The following ROR1 variants were observed in gnomAD, a reference collection of about 807,000 sequenced individuals.
ROR1 encodes the protein ROR family WNT receptor 1.
Under a neutral mutation model 78.8 loss-of-function variants are expected in ROR1, and 19 were observed. That is an observed-to-expected ratio of 0.24 (90% CI 0.17 to 0.35). ROR1 has a LOEUF of 0.35. Ranked by LOEUF, ROR1 falls within the 10% of genes least tolerant of loss-of-function variation. ROR1 has a pLI of 1.00. For synonymous variants in ROR1, 386 were observed against 433.6 expected, an observed-to-expected ratio of 0.89 and a Z score of 1.36; for missense variants, 917 against 1,177.8, an observed-to-expected ratio of 0.78 and a Z score of 3.24.
intron 8 of ROR1, among the ~76,000 whole-genome samples, chr1:64,159,994 A>G (rs1287102000): frequency 6.6e-6 from 1 of 152,126 alleles, no homozygotes; most frequent in African/African-American, 2.4e-5. Flanking sequence ...CAGCACCACA[A>G]TCCCAGGCCT....
rs759772996 is a variant in ROR1 at position 64,177,903 on chromosome 1, T to C, written c.1862T>C (p.Ile621Thr). 3 of 1,614,084 alleles carry C rather than the reference T, an allele frequency of 1.9e-6. No homozygotes were observed. The highest frequency in any genetic ancestry group is 4.5e-5 in the East Asian group (2 of 44,902). The stretch of plus-strand genomic sequence containing the variant: ...CACAAGGACCTTGCAGCTCGCAATA[T>C]TTTAATCGGAGAGCAACTTCATGTA... Reference protein sequence around the residue: ...FVHKDLAARNILIGEQLHVKI... With the variant: ...FVHKDLAARNTLIGEQLHVKI... Residue 621 changes from isoleucine to threonine, a missense_variant, in exon 9 of 9, where the codon ATT (isoleucine) becomes ACT (threonine). Physicochemically the swap from Ile to Thr is moderately conservative, Grantham distance 89. Around this residue, in one of 3 missense-constraint regions of ROR1, gnomAD observed 835 missense variants for 1,069.8 expected, o/e 0.78. Transcript: ENST00000371079.
intron 1 of ROR1, among the ~76,000 whole-genome samples, chr1:63,859,046 C>T (rs1645164719): frequency 6.6e-6 from 1 of 151,994 alleles, no homozygotes; most frequent in Admixed American, 6.6e-5. Flanking sequence ...ACAAACTGCC[C>T]CTTCTGTTGT....
chr1:64,079,470 A>ATTTTTTTTTTTTTTTTTTTTTTGTTTTT (rs71056020), intron 4 of ROR1, among the ~76,000 whole-genome samples: 1 of 146,280 alleles, frequency 6.8e-6, no homozygotes, highest in Non-Finnish European at 1.5e-5. Context: ...CTTGATTGGG[A>ATTTTTTTTTTTTTTTTTTTTTTGTTTTT]TTTTTTTTTT....
At chr1:63,857,604 G>A (rs995080903) in intron 1 of ROR1, among the ~76,000 whole-genome samples, 2 of 152,200 alleles carry the variant, frequency 1.3e-5, no homozygotes, top group Non-Finnish European at 2.9e-5. Flanking sequence ...CATGGGGAGA[G>A]CACATAAAAG....
rs554109773 is a variant in ROR1, at chr1:64,037,843, A to G, written c.164-11848A>G. ...CAGATATGCATGGTACATGTCACCA[A>G]GGGTGGCATCTGGTTTGTGTGCCAC... On this transcript the variant is annotated intron_variant, in intron 2 of 8. Transcript: ENST00000371079. 3.0e-4 allele frequency among the ~76,000 whole-genome samples: 46 copies of G among 152,212 alleles called. 1 individual carries two copies. In the East Asian group the frequency reaches 8.9e-3, roughly 30 times the overall value.
Position 64,075,139 on chromosome 1 carries a change from T to G in ROR1, c.482+24423T>G, listed in dbSNP as rs565040190. ...ATCAAACAATAAGCTTATCAGACATTTACTGTCCAATGAGAGCTGAATACA... is the reference window on the plus strand; with the variant it reads ...ATCAAACAATAAGCTTATCAGACATGTACTGTCCAATGAGAGCTGAATACA... On this transcript the variant is annotated intron_variant, in intron 4 of 8. Coordinates refer to ENST00000371079, the MANE Select transcript of ROR1 (RefSeq NM_005012.4). Among the ~76,000 whole-genome samples the G allele has an allele frequency of 3.3e-5, 5 of 152,214 alleles. No homozygotes were observed. In the East Asian group the frequency reaches 7.7e-4, roughly 24 times the overall value.
At chr1:64,150,900 C>T (rs993500200) in intron 7 of ROR1, among the ~76,000 whole-genome samples, 52 of 152,286 alleles carry the variant, frequency 3.4e-4, no homozygotes, top group African/African-American at 1.2e-3. Flanking sequence ...AGTGTGTAAG[C>T]TGCTCTAGCA....
rs1475755069 is a variant in ROR1, at chr1:64,178,566, C to T, written c.2525C>T (p.Pro842Leu). The T allele has an allele frequency of 1.2e-6, 2 of 1,614,030 alleles. No homozygotes were observed. The highest frequency in any genetic ancestry group is 3.3e-5 in the Admixed American group (2 of 60,012). Residue 842 changes from proline (P) to leucine (L), a missense_variant, in exon 9 of 9, where the codon CCC becomes CTC. Around this residue, in one of 3 missense-constraint regions of ROR1, gnomAD observed 835 missense variants for 1,069.8 expected, o/e 0.78. Transcript: ENST00000371079. This position sits in a 1 kb window ranked among gnomAD's most constrained non-coding sequence, Gnocchi z 4.3. The part of the protein sequence containing the change: ...PAAHYQPTGP[P>L]RVIQHCPPPK... Reference sequence around the variant, plus strand: ...GCCCACTACCAGCCAACAGGTCCTCCCAGAGTGATTCAGCACTGCCCACCT... The same window carrying T: ...GCCCACTACCAGCCAACAGGTCCTCTCAGAGTGATTCAGCACTGCCCACCT...
chr1:64,015,709 G>C (rs184124346), intron 2 of ROR1, among the ~76,000 whole-genome samples: 45 of 152,252 alleles, frequency 3.0e-4, no homozygotes, highest in Admixed American at 2.1e-3. Context: ...GCAAGCTGAT[G>C]AACAGTCTTC....
chr1:64,169,451 A>G (rs1650178612), intron 8 of ROR1, among the ~76,000 whole-genome samples: 1 of 152,128 alleles, frequency 6.6e-6, no homozygotes, highest in Non-Finnish European at 1.5e-5. Context: ...AGACTTATTC[A>G]CTATCACGAG....
intron 1 of ROR1, among the ~76,000 whole-genome samples, chr1:63,994,163 A>G (rs543722362): frequency 4.6e-5 from 7 of 152,110 alleles, no homozygotes; most frequent in Admixed American, 2.6e-4. Flanking sequence ...TAAATTGTGC[A>G]CTCATATCCT....
intron 4 of ROR1, among the ~76,000 whole-genome samples, chr1:64,137,078 A>G (rs757202037): frequency 6.6e-5 from 10 of 152,174 alleles, no homozygotes; most frequent in Non-Finnish European, 1.3e-4. Flanking sequence ...TACTCCTATA[A>G]CTACATCATC....
intron 1 of ROR1, among the ~76,000 whole-genome samples, chr1:63,807,780 G>A (rs2100264991): frequency 6.6e-6 from 1 of 152,262 alleles, no homozygotes; most frequent in Non-Finnish European, 1.5e-5. Context: ...GTTGCTGCTG[G>A]TTGGCATCAG....
Position 63,818,576 on chromosome 1 carries a change from A to G in ROR1, c.91+44068A>G, listed in dbSNP as rs193041166. ...ATGGCCTGATGGGAAGTAATTCACA[A>G]AACCAGAGGGAAAGTACAGTGCTTA... On this transcript the variant is annotated intron_variant, in intron 1 of 8. Coordinates refer to ENST00000371079, the MANE Select transcript of ROR1 (RefSeq NM_005012.4). Among the ~76,000 whole-genome samples the G allele has an allele frequency of 5.0e-3, 763 of 152,334 alleles. 6 individuals are homozygous for G. Among genetic ancestry groups the G allele is most frequent in the African/African-American group, 0.018 (732 of 41,582 alleles).
intron 4 of ROR1, among the ~76,000 whole-genome samples, chr1:64,082,580 T>C (rs1273487677): frequency 6.6e-6 from 1 of 152,196 alleles, no homozygotes; most frequent in Non-Finnish European, 1.5e-5. Context: ...CTGCAGCCCC[T>C]TGGGGATCGG....
intron 1 of ROR1, among the ~76,000 whole-genome samples, chr1:63,863,977 TC>T (rs991642745): frequency 6.6e-6 from 1 of 152,160 alleles, no homozygotes; most frequent in Non-Finnish European, 1.5e-5. Context: ...TAAACCACCT[TC>T]TTTTTTTCCT....
chr1:64,132,112 A>T lies in ROR1; in HGVS notation c.483-5257A>T, dbSNP rs114243484. Among the ~76,000 whole-genome samples the T allele has an allele frequency of 7.9e-3, 1,207 of 152,214 alleles. 12 individuals carry two copies. Among genetic ancestry groups the T allele is most frequent in the Non-Finnish European group, 0.014 (926 of 68,002 alleles). ...ACCACCGATCTGCTTTTCTCTAAAG[A>T]CTTACCTATTTTAAATATTTCATAT... On this transcript the variant is annotated intron_variant, in intron 4 of 8. Coordinates refer to ENST00000371079, the MANE Select transcript of ROR1 (RefSeq NM_005012.4).
At chr1:63,880,872 C>A (rs1366695799) in intron 1 of ROR1, among the ~76,000 whole-genome samples, 2 of 152,098 alleles carry the variant, frequency 1.3e-5, no homozygotes, top group African/African-American at 4.8e-5. Context: ...TCACAAAGCC[C>A]CCAAATGTGG....
chr1:63,899,759 T>C (rs138318938), intron 1 of ROR1, among the ~76,000 whole-genome samples: 1 of 151,880 alleles, frequency 6.6e-6, no homozygotes, highest in Non-Finnish European at 1.5e-5. Flanking sequence ...CTCTTCTGCT[T>C]GCTTGGGTTT....
Sources: allele counts gnomAD v4.1 joint callset (sites outside exome capture counted in the v4.1 genomes callset), GRCh38; gene constraint gnomAD v4.1.1; regional missense constraint gnomAD v4.1.1; non-coding constraint Gnocchi (gnomAD v3.1); transcripts MANE v1.5; gene names NCBI Gene and HGNC (gene_info 2026-07-23, HGNC 2026-07-21).